Variants in SUMF1 observed in about 807,000 individuals in gnomAD.
SUMF1 encodes sulfatase modifying factor 1, also known as formylglycine-generating enzyme.
SUMF1 carries 48 observed loss-of-function variants against 47.6 expected under a neutral mutation model. The ratio of observed to expected loss-of-function variants is 1.01; its 90% CI spans 0.80 to 1.28. The LOEUF (loss-of-function observed/expected upper bound fraction) is 1.28. SUMF1 is among the 50% of genes most tolerant of loss of function. The pLI, the probability that SUMF1 is intolerant of heterozygous loss-of-function variation, is 0.00. For missense variants in SUMF1, 571 were observed against 485.4 expected, an observed-to-expected ratio of 1.18 and a Z score of -1.66; for synonymous variants, 230 against 192.1, an observed-to-expected ratio of 1.20 and a Z score of -1.63.
rs568783264 is a variant in SUMF1 at position 4,280,910 on chromosome 3, C to T, written c.1014+95420G>A. On this transcript the variant is annotated intron_variant and NMD_transcript_variant, in intron 8 of 12. Transcript: ENST00000448413. ...CTTCTTTTTTTGATAAGGGCACAGT[C>T]ATGTTGGATTAGGGCCCATCCTAAT... Among the ~76,000 whole-genome samples the T allele has an allele frequency of 5.3e-5, 8 of 150,500 alleles. No homozygotes were observed. The South Asian group carries it at 1.7e-3, about 32-fold the overall frequency.
intron 8 of SUMF1, among the ~76,000 whole-genome samples, chr3:4,117,150 T>A (rs899483480): frequency 1.3e-5 from 2 of 152,268 alleles, no homozygotes; most frequent in African/African-American, 2.4e-5. Flanking sequence ...GAAACTAATT[T>A]TCTCTAAGCA....
At chr3:4,061,966 CT>C (rs1695283980) in intron 9 of SUMF1, among the ~76,000 whole-genome samples, 1 of 152,042 alleles carries the variant, frequency 6.6e-6, no homozygotes, top group African/African-American at 2.4e-5. Context: ...CCCACCTCTT[CT>C]GTCCCACTGG....
intron 8 of SUMF1, among the ~76,000 whole-genome samples, chr3:4,319,267 AG>A (rs1167347300): frequency 2.6e-5 from 4 of 152,214 alleles, no homozygotes; most frequent in Non-Finnish European, 5.9e-5. Flanking sequence ...CCAAAATGAC[AG>A]GGGGTTCAGT....
intron 7 of SUMF1, among the ~76,000 whole-genome samples, chr3:4,410,648 T>G (rs1701509604): frequency 6.6e-6 from 1 of 152,188 alleles, no homozygotes; most frequent in Non-Finnish European, 1.5e-5. Flanking sequence ...GTTATCACCA[T>G]CACAATCCAG....
intron 8 of SUMF1, among the ~76,000 whole-genome samples, chr3:4,292,280 A>C (rs1387129040): frequency 6.6e-6 from 1 of 152,254 alleles, no homozygotes; most frequent in Non-Finnish European, 1.5e-5. Flanking sequence ...ACATAGGCTA[A>C]AACGAATAGC....
chr3:4,391,417 T>C (rs903553118), intron 7 of SUMF1, among the ~76,000 whole-genome samples: 4 of 152,204 alleles, frequency 2.6e-5, no homozygotes, highest in Non-Finnish European at 4.4e-5. Flanking sequence ...AAAATTATGT[T>C]GGAACACATG....
chr3:4,127,166 C>T (rs795300), intron 8 of SUMF1, among the ~76,000 whole-genome samples: 110,806 of 152,010 alleles, frequency 0.73, 40,461 homozygotes, highest in Admixed American at 0.78. Flanking sequence ...ATAAAATTAC[C>T]GTAAAGCTAC....
chr3:4,385,653 C>T (rs1196818251), intron 7 of SUMF1, among the ~76,000 whole-genome samples: 2 of 152,108 alleles, frequency 1.3e-5, no homozygotes, highest in African/African-American at 4.8e-5. Flanking sequence ...ATTTATTTTT[C>T]CATATGTGGG....
chr3:4,098,602 C>G (rs1272008168), intron 8 of SUMF1, among the ~76,000 whole-genome samples: 2 of 152,066 alleles, frequency 1.3e-5, no homozygotes, highest in African/African-American at 2.4e-5. Context: ...TAGATGTAGC[C>G]TATTTTTTCT....
At chr3:4,058,013 T>C (rs559867435) in intron 9 of SUMF1, among the ~76,000 whole-genome samples, 1 of 152,256 alleles carries the variant, frequency 6.6e-6, no homozygotes, top group East Asian at 1.9e-4. Context: ...GTGAGTGTTC[T>C]CTCTATGCTG....
intron 8 of SUMF1, among the ~76,000 whole-genome samples, chr3:4,296,034 T>G (rs1245885559): frequency 6.6e-6 from 1 of 152,114 alleles, no homozygotes; most frequent in Non-Finnish European, 1.5e-5. Context: ...AGGGTCACAA[T>G]TTTGTAAGAT....
chr3:4,182,831 A>T (rs116533541), intron 8 of SUMF1, among the ~76,000 whole-genome samples: 4,280 of 152,140 alleles, frequency 0.028, 88 homozygotes, highest in African/African-American at 0.051. Flanking sequence ...AATCTGAGAG[A>T]CTCATCACAA....
chr3:4,330,829 C>T (rs794205), intron 8 of SUMF1, among the ~76,000 whole-genome samples: 99,087 of 152,060 alleles, frequency 0.65, 32,898 homozygotes, highest in African/African-American at 0.72. Flanking sequence ...TTTAGTAAAA[C>T]ATTGTCAACA....
In SUMF1 at chr3:4,417,937, T is replaced by C. The variant is rs867918598; in HGVS notation, c.725+73A>G. The C allele has an allele frequency of 5.0e-6, 8 of 1,609,444 alleles. 1 individual carries two copies. Among genetic ancestry groups the C allele is most frequent in the Middle Eastern group, 3.9e-4 (2 of 5,080 alleles). ...AACTTTCTAACCAAAGTAAGTTCCA[T>C]GGAGTTTTTTGTTGTTGTTTGTTTG... On this transcript the variant is annotated intron_variant, in intron 5 of 8. Coordinates refer to ENST00000272902, the MANE Select transcript of SUMF1 (RefSeq NM_182760.4).
intron 1 of SUMF1, among the ~76,000 whole-genome samples, chr3:4,463,626 GT>G (rs1013053583): frequency 6.6e-6 from 1 of 152,182 alleles, no homozygotes; most frequent in African/African-American, 2.4e-5. Context: ...AGGTGGAAAG[GT>G]TTCATGGAAG....
intron 8 of SUMF1, among the ~76,000 whole-genome samples, chr3:4,295,149 G>T (rs573644546): frequency 6.6e-6 from 1 of 151,922 alleles, no homozygotes; most frequent in Non-Finnish European, 1.5e-5. Flanking sequence ...TTGGTTTTTC[G>T]TTTCCATGGT....
At chr3:4,105,072 G>A (rs952711660) in intron 8 of SUMF1, among the ~76,000 whole-genome samples, 1 of 152,138 alleles carries the variant, frequency 6.6e-6, no homozygotes, top group Non-Finnish European at 1.5e-5. Flanking sequence ...AGGAAATCCT[G>A]TCATTTGCTG....
chr3:4,219,564 T>G (rs1696016264), intron 8 of SUMF1, among the ~76,000 whole-genome samples: 1 of 152,176 alleles, frequency 6.6e-6, no homozygotes, highest in African/African-American at 2.4e-5. Flanking sequence ...TGTATTCAAT[T>G]CCTCTAGATG....
At chr3:4,450,858 G>A (rs1445543008) in intron 2 of SUMF1, among the ~76,000 whole-genome samples, 8 of 152,058 alleles carry the variant, frequency 5.3e-5, no homozygotes, top group Admixed American at 1.3e-4. Context: ...AGGTGGGAAA[G>A]AATGTTGAGT....
Sources: allele counts gnomAD v4.1 joint callset (sites outside exome capture counted in the v4.1 genomes callset), GRCh38; gene constraint gnomAD v4.1.1; transcripts MANE v1.5; gene names NCBI Gene and HGNC (gene_info 2026-07-23, HGNC 2026-07-21).